MSTO1: variants seen among roughly 807,000 people sequenced by gnomAD.
The protein encoded by MSTO1 is protein misato homolog 1.
Under a neutral mutation model 55.7 loss-of-function variants are expected in MSTO1, and 24 were observed. That is an observed-to-expected ratio of 0.43 (90% confidence interval 0.31 to 0.61). The LOEUF (loss-of-function observed/expected upper bound fraction) is 0.61, where lower values mean the gene tolerates loss of function less well. MSTO1 is among the 20% of genes least tolerant of loss of function. The pLI is 0.09. For missense variants in MSTO1, 363 were observed against 625.7 expected, an observed-to-expected ratio of 0.58 and a Z score of 4.48; for synonymous variants, 162 against 252.8, an observed-to-expected ratio of 0.64 and a Z score of 3.41.
At chr1:155,570,448 C>G in the MSTO1 span, among the ~76,000 whole-genome samples, 1 of 152,168 alleles carries the variant, frequency 6.6e-6, no homozygotes, top group Admixed American at 6.6e-5. Flanking sequence ...CTGTGGACAT[C>G]AGCATGACTC....
the MSTO1 span, among the ~76,000 whole-genome samples, chr1:155,567,992 T>A: frequency 6.6e-6 from 1 of 151,650 alleles, no homozygotes. Flanking sequence ...GAGCGGAGAT[T>A]GCACCATTAC....
chr1:155,576,329 T>G, the MSTO1 span, among the ~76,000 whole-genome samples: 4 of 151,996 alleles, frequency 2.6e-5, no homozygotes, highest in Non-Finnish European at 2.9e-5. Context: ...TTGTTCTGTT[T>G]TGTTTTTGTT....
intron 8 of MSTO1, 27 bp downstream of exon 8, chr1:155,612,343 GTC>G (rs763033391): frequency 6.3e-7 from 1 of 1,578,058 alleles, no homozygotes; most frequent in South Asian, 1.2e-5. Flanking sequence ...GAAGTAAACA[GTC>G]ACACAGTGGG....
At chr1:155,565,649 A>T in the MSTO1 span, among the ~76,000 whole-genome samples, 27 of 152,322 alleles carry the variant, frequency 1.8e-4, no homozygotes, top group Middle Eastern at 6.8e-3. Flanking sequence ...GAATTTCACC[A>T]CACCAGTGTA....
chr1:155,586,947 C>T, the MSTO1 span, among the ~76,000 whole-genome samples: 1 of 152,110 alleles, frequency 6.6e-6, no homozygotes, highest in Non-Finnish European at 1.5e-5. Context: ...GGGGTTTTGC[C>T]ATATTGGGCA....
the MSTO1 span, among the ~76,000 whole-genome samples, chr1:155,596,484 T>A: frequency 6.6e-6 from 1 of 152,202 alleles, no homozygotes; most frequent in East Asian, 1.9e-4. Flanking sequence ...CCAGCATTCT[T>A]GGCTAAGATA....
chr1:155,587,238 C>T, the MSTO1 span, among the ~76,000 whole-genome samples: 2 of 150,998 alleles, frequency 1.3e-5, no homozygotes, highest in East Asian at 3.9e-4. Context: ...GGTAGGAGTT[C>T]GAGACCAGCA....
chr1:155,607,079 G>A (rs1292391111), upstream of MSTO1, among the ~76,000 whole-genome samples: 2 of 151,956 alleles, frequency 1.3e-5, no homozygotes, highest in African/African-American at 2.4e-5. Context: ...TGATCCGCCC[G>A]CCTTGGCCTC....
chr1:155,612,499 C>A lies in MSTO1; in HGVS notation c.895C>A (p.Pro299Thr), dbSNP rs1291901635. 1 of 1,614,000 alleles carries A rather than the reference C, an allele frequency of 6.2e-7. No individual in the cohort carries two copies. The highest frequency in any genetic ancestry group is 1.7e-5 in the Admixed American group (1 of 60,014). ...GACTGCTCACAGCTCTCTTGTCTGC[C>A]CCTTGTCCTTGGGTGGGAGCCTGGG... Reference protein sequence around the residue: ...HLTAHSSLVCPLSLGGSLGLR... With the variant: ...HLTAHSSLVCTLSLGGSLGLR... Residue 299 changes from proline to threonine, a missense_variant, in exon 9 of 14, where the codon CCC (proline) becomes ACC (threonine). By Grantham distance (38) the Pro-to-Thr change is conservative (BLOSUM62 -1). Transcript: ENST00000245564.
the MSTO1 span, among the ~76,000 whole-genome samples, chr1:155,578,075 G>A: frequency 6.6e-6 from 1 of 152,062 alleles, no homozygotes; most frequent in Admixed American, 6.6e-5. Flanking sequence ...AAGATTGCTG[G>A]GATTTTGATA....
At chr1:155,576,474 G>A in the MSTO1 span, among the ~76,000 whole-genome samples, 5 of 151,274 alleles carry the variant, frequency 3.3e-5, no homozygotes, top group Non-Finnish European at 5.9e-5. Context: ...CTACAGGTGC[G>A]CACCACCACG....
the MSTO1 span, among the ~76,000 whole-genome samples, chr1:155,571,432 C>A: frequency 6.6e-6 from 1 of 151,972 alleles, no homozygotes; most frequent in Non-Finnish European, 1.5e-5. Context: ...GATTGGACAC[C>A]CCTGCTGTAG....
At chr1:155,576,027 G>A in the MSTO1 span, among the ~76,000 whole-genome samples, 1 of 149,830 alleles carries the variant, frequency 6.7e-6, no homozygotes, top group African/African-American at 2.5e-5. Context: ...TCTCCATGTT[G>A]GCCAGGCTGG....
the MSTO1 span, among the ~76,000 whole-genome samples, chr1:155,595,400 G>A: frequency 7.2e-5 from 11 of 151,832 alleles, no homozygotes; most frequent in African/African-American, 2.4e-4. Flanking sequence ...GGATTGTCTC[G>A]ATCTCCTGAC....
At chr1:155,604,318 C>G in the MSTO1 span, among the ~76,000 whole-genome samples, 2 of 152,190 alleles carry the variant, frequency 1.3e-5, no homozygotes, top group Non-Finnish European at 2.9e-5. Flanking sequence ...TCAAAACTGA[C>G]TGACAATGGA....
At chr1:155,612,379 G>A in intron 8 of MSTO1, 39 bp from the exon 9 acceptor site, 3 of 1,587,826 alleles carry the variant, frequency 1.9e-6, no homozygotes, top group Non-Finnish European at 2.6e-6. Flanking sequence ...GAATCCCAGT[G>A]GGAGAGCTGC....
At chr1:155,564,497 G>A in the MSTO1 span, among the ~76,000 whole-genome samples, 1 of 151,818 alleles carries the variant, frequency 6.6e-6, no homozygotes, top group Admixed American at 6.6e-5. Context: ...TCCATCTGAG[G>A]GAAAAAAATA....
rs200351491 is a variant in MSTO1, at chr1:155,611,579, G to A, written c.397G>A (p.Val133Ile). The change falls in exon 5 of 14, where the codon GTC becomes ATC. Residue 133 changes from valine (V) to isoleucine (I), a missense_variant. Physicochemically the swap from Val to Ile is conservative, Grantham distance 29. Coordinates refer to ENST00000245564, the MANE Select transcript of MSTO1 (RefSeq NM_018116.4). ...GVLSSDGVWR[V>I]KSIPNGKGSS... ...GCTGAGTAGTGATGGTGTCTGGAGG[G>A]TCAAATCCATTCCCAATGGCAAAGG... 8.3e-6 allele frequency: 13 copies of A among 1,558,800 alleles called. 1 individual carries two copies. Among genetic ancestry groups the A allele is most frequent in the Non-Finnish European group, 1.1e-5 (12 of 1,133,102 alleles).
chr1:155,597,154 T>A, the MSTO1 span, among the ~76,000 whole-genome samples: 2 of 151,874 alleles, frequency 1.3e-5, no homozygotes, highest in Admixed American at 1.3e-4. Context: ...CCTTATCCAC[T>A]TTTCAAAGTC....
Sources: gnomAD v4.1 joint callset for allele counts (sites outside exome capture counted in the v4.1 genomes callset) on GRCh38, gnomAD v4.1.1 for gene constraint, MANE v1.5 for transcripts, NCBI Gene and HGNC (gene_info 2026-07-23, HGNC 2026-07-21) for gene names.